The following CDH13 variants were observed in gnomAD, a reference collection of about 807,000 sequenced individuals.
CDH13 encodes the protein cadherin 13.
In CDH13, 24 loss-of-function variants were observed where a neutral mutation model predicts 63.8. That is an observed-to-expected ratio of 0.38 (90% CI 0.27 to 0.53). The LOEUF (loss-of-function observed/expected upper bound fraction) is 0.53. CDH13 is among the 20% of genes least tolerant of loss of function. The probability of loss-of-function intolerance (pLI) is 0.85; values close to 1 mark genes in which losing one functional copy is unlikely to be tolerated. For synonymous variants in CDH13, 503 were observed against 355.3 expected (o/e 1.42, Z -4.67); for missense variants, 1,049 against 903.1 (o/e 1.16, Z -2.07).
At chr16:83,322,387 C>G (rs1237265239) in intron 5 of CDH13, among the ~76,000 whole-genome samples, 3 of 152,186 alleles carry the variant, frequency 2.0e-5, no homozygotes, top group Non-Finnish European at 4.4e-5. Context: ...TTACTGTGGT[C>G]TTATTTCTCC....
chr16:83,155,622 C>T (rs1567884667), intron 4 of CDH13, among the ~76,000 whole-genome samples: 1 of 152,120 alleles, frequency 6.6e-6, no homozygotes, highest in South Asian at 2.1e-4. Context: ...GTCCTTACAA[C>T]TTAAAAACTT....
chr16:83,159,890 C>A (rs975571165), intron 4 of CDH13, among the ~76,000 whole-genome samples: 12 of 152,072 alleles, frequency 7.9e-5, no homozygotes, highest in African/African-American at 2.9e-4. Context: ...GCCTGGCCAA[C>A]ATGGCGAAAA....
intron 3 of CDH13, among the ~76,000 whole-genome samples, chr16:83,072,964 C>A (rs187218616): frequency 2.4e-4 from 36 of 152,242 alleles, no homozygotes; most frequent in African/African-American, 8.4e-4. Context: ...GATGATGTGG[C>A]CTTTCAGAGA....
rs568032116 is a variant in CDH13 at position 83,258,857 on chromosome 16, C to G, written c.636+41360C>G. 1.1e-4 allele frequency among the ~76,000 whole-genome samples: 17 copies of G among 152,316 alleles called. No individual in the cohort carries two copies. In the East Asian group the frequency reaches 2.5e-3, roughly 22 times the overall value. Reference sequence around the variant, plus strand: ...TCCTTATACTCTCATTTGAATAAACCTTTAGCTCACCATCACATTCCACTT... The same window carrying G: ...TCCTTATACTCTCATTTGAATAAACGTTTAGCTCACCATCACATTCCACTT... On this transcript the variant is annotated intron_variant, in intron 5 of 13. Coordinates refer to ENST00000567109, the MANE Select transcript of CDH13 (RefSeq NM_001257.5).
chr16:83,666,467 G>A (rs1360052276), intron 8 of CDH13, among the ~76,000 whole-genome samples: 1 of 152,156 alleles, frequency 6.6e-6, no homozygotes, highest in Non-Finnish European at 1.5e-5. Flanking sequence ...TCTCTCAGGA[G>A]TAGATTTAAA....
chr16:83,277,251 A>C (rs12921363), intron 5 of CDH13, among the ~76,000 whole-genome samples: 95,676 of 152,002 alleles, frequency 0.63, 31,581 homozygotes, highest in East Asian at 0.82. Context: ...TTTGGATGGA[A>C]AGTCATCTAC....
At chr16:82,639,937 A>T (rs1048210071) in intron 1 of CDH13, among the ~76,000 whole-genome samples, 1 of 152,184 alleles carries the variant, frequency 6.6e-6, no homozygotes, top group Non-Finnish European at 1.5e-5. Context: ...TGCATTCCCT[A>T]TTTGGTTAAC....
At chr16:83,687,828 C>T (rs1273018976) in intron 10 of CDH13, among the ~76,000 whole-genome samples, 1 of 152,204 alleles carries the variant, frequency 6.6e-6, no homozygotes, top group Admixed American at 6.5e-5. Context: ...ACCCTTCTTC[C>T]GAAGCCTTGA....
At chr16:83,183,133 C>G (rs1450370267) in intron 4 of CDH13, among the ~76,000 whole-genome samples, 1 of 152,080 alleles carries the variant, frequency 6.6e-6, no homozygotes, top group Non-Finnish European at 1.5e-5. Context: ...TTTAAGGGAA[C>G]TATTCGTCTT....
chr16:82,677,003 C>T (rs916047392), intron 1 of CDH13, among the ~76,000 whole-genome samples: 9 of 152,210 alleles, frequency 5.9e-5, no homozygotes, highest in Non-Finnish European at 1.0e-4. Flanking sequence ...CCTGCCTCAG[C>T]CTCTCAAGTA....
chr16:83,672,359 C>G (rs1280527077), intron 9 of CDH13, among the ~76,000 whole-genome samples: 1 of 141,990 alleles, frequency 7.0e-6, no homozygotes, highest in Non-Finnish European at 1.5e-5. Flanking sequence ...CCATCTTCTT[C>G]TCTCTCTATC....
intron 5 of CDH13, among the ~76,000 whole-genome samples, chr16:83,331,144 A>G (rs2090472444): frequency 6.6e-6 from 1 of 152,172 alleles, no homozygotes; most frequent in Non-Finnish European, 1.5e-5. Flanking sequence ...CTTGGGCCTT[A>G]AAGTACAGTC....
chr16:83,599,656 A>G (rs1456205477), intron 7 of CDH13, among the ~76,000 whole-genome samples: 1 of 152,246 alleles, frequency 6.6e-6, no homozygotes, highest in Non-Finnish European at 1.5e-5. Context: ...ATTATAAAAT[A>G]TACATATGAT....
At chr16:82,681,754 G>A (rs1211075922) in intron 1 of CDH13, among the ~76,000 whole-genome samples, 1 of 152,170 alleles carries the variant, frequency 6.6e-6, no homozygotes, top group Non-Finnish European at 1.5e-5. Context: ...CCGTGTCCAC[G>A]CACAGCAGTA....
intron 5 of CDH13, among the ~76,000 whole-genome samples, chr16:83,271,973 T>C (rs1443674565): frequency 1.3e-5 from 2 of 152,218 alleles, no homozygotes; most frequent in African/African-American, 4.8e-5. Flanking sequence ...CATATCATAA[T>C]GGTAATAAAC....
At chr16:83,370,251 G>A (rs746064300) in intron 6 of CDH13, among the ~76,000 whole-genome samples, 20 of 152,102 alleles carry the variant, frequency 1.3e-4, no homozygotes, top group Non-Finnish European at 2.8e-4. Flanking sequence ...AGCCGGGTGC[G>A]GTGGCGGGCG....
At chr16:82,997,325 T>G (rs1912358033) in intron 2 of CDH13, among the ~76,000 whole-genome samples, 1 of 152,204 alleles carries the variant, frequency 6.6e-6, no homozygotes, top group Admixed American at 6.5e-5. Context: ...TGATTGACCC[T>G]AATACGTTTT....
intron 7 of CDH13, among the ~76,000 whole-genome samples, chr16:83,551,397 T>G (rs2075493471): frequency 6.6e-6 from 1 of 152,210 alleles, no homozygotes; most frequent in Non-Finnish European, 1.5e-5. Flanking sequence ...TCTCATCATG[T>G]TACAACCCTG....
intron 1 of CDH13, among the ~76,000 whole-genome samples, chr16:82,634,776 C>T (rs962784124): frequency 1.3e-5 from 2 of 152,140 alleles, no homozygotes; most frequent in African/African-American, 4.8e-5. Flanking sequence ...ATAAGAGGGG[C>T]CTGAGAAGTT....
Sources: allele counts gnomAD v4.1 joint callset (sites outside exome capture counted in the v4.1 genomes callset), GRCh38; gene constraint gnomAD v4.1.1; transcripts MANE v1.5; gene names NCBI Gene and HGNC (gene_info 2026-07-23, HGNC 2026-07-21).